Variants in CACNA1C observed in about 807,000 individuals in gnomAD.
The protein encoded by CACNA1C is calcium voltage-gated channel subunit alpha1 C.
CACNA1C carries 30 observed loss-of-function variants against 229.0 expected under a neutral mutation model. The ratio of observed to expected loss-of-function variants is 0.13; its 90% CI spans 0.10 to 0.18. CACNA1C has a LOEUF of 0.18. Ranked by LOEUF, CACNA1C falls within the 10% of genes least tolerant of loss-of-function variation. CACNA1C has a pLI of 1.00. For synonymous variants in CACNA1C, 1,114 were observed against 1,132.5 expected (o/e 0.98, Z 0.33); for missense variants, 1,658 against 2,845.0 (o/e 0.58, Z 9.49).
rs2093973920 is a variant in CACNA1C at position 2,643,450 on chromosome 12, C to T, written c.3913-5025C>T. 3.3e-5 allele frequency among the ~76,000 whole-genome samples: 5 copies of T among 152,214 alleles called. No homozygotes were observed. In the South Asian group the frequency reaches 1.0e-3, roughly 32 times the overall value. On this transcript the variant is annotated intron_variant, in intron 30 of 46. Coordinates refer to ENST00000399655, the MANE Select transcript of CACNA1C (RefSeq NM_000719.7). ...CAACTACGCATACCTCATTCATTTGCTCTTCTGTCTGAAAGCCATGGCCTC... is the reference window on the plus strand; with the variant it reads ...CAACTACGCATACCTCATTCATTTGTTCTTCTGTCTGAAAGCCATGGCCTC...
chr12:2,270,205 G>A (rs2084257735), intron 3 of CACNA1C, among the ~76,000 whole-genome samples: 1 of 152,210 alleles, frequency 6.6e-6, no homozygotes, highest in South Asian at 2.1e-4. Context: ...TCCTGAGAAG[G>A]CGAGCTTCGA....
chr12:2,280,226 TTTAACCTCTTGAGACCTTGCTGTGCTTC>T (rs2090655547), intron 3 of CACNA1C, among the ~76,000 whole-genome samples: 4 of 118,780 alleles, frequency 3.4e-5, no homozygotes, highest in Admixed American at 7.8e-5. Flanking sequence ...TGTGCTTCGG[TTTAACCTCTTGAGACCTTGCTGTGCTTC>T]GGTTTAACCT....
chr12:2,481,353 C>T (rs1428533199), intron 5 of CACNA1C, among the ~76,000 whole-genome samples: 5 of 152,176 alleles, frequency 3.3e-5, no homozygotes, highest in South Asian at 4.2e-4. Flanking sequence ...CTGCAATGGA[C>T]GGCTTCTCTT....
chr12:2,157,860 T>G (rs972101366), intron 3 of CACNA1C, among the ~76,000 whole-genome samples: 1 of 152,212 alleles, frequency 6.6e-6, no homozygotes, highest in African/African-American at 2.4e-5. Flanking sequence ...ATTTTCTGTC[T>G]TTAGAGGGAT....
At chr12:2,392,633 G>C (rs1337505903) in intron 3 of CACNA1C, among the ~76,000 whole-genome samples, 1 of 152,154 alleles carries the variant, frequency 6.6e-6, no homozygotes. Context: ...GGGGTGATTT[G>C]GTGTCTCCAA....
chr12:2,585,236 C>T lies in CACNA1C; in HGVS notation c.2340-140C>T. ...TGACTGAGCTGCACACGAGAAGCGT[C>T]CTGGAGAAAGGAAGATGGACTCAGA... On this transcript the variant is annotated intron_variant, in intron 16 of 46. Coordinates refer to ENST00000399655, the MANE Select transcript of CACNA1C (RefSeq NM_000719.7). The surrounding 1 kb of genome is among the most constrained non-coding windows in gnomAD (Gnocchi z 4.1). 2 of 748,198 alleles carry T rather than the reference C, an allele frequency of 2.7e-6. No individual in the cohort carries two copies. The highest frequency in any genetic ancestry group is 4.1e-6 in the Non-Finnish European group (2 of 489,574). 46.3% of individuals were successfully genotyped at this position (748,198 alleles called of 1,614,324 possible).
chr12:2,364,672 A>T (rs2097676087), intron 3 of CACNA1C, among the ~76,000 whole-genome samples: 1 of 152,194 alleles, frequency 6.6e-6, no homozygotes, highest in Non-Finnish European at 1.5e-5. Flanking sequence ...AGGGATGGCC[A>T]CGCTGGGCTC....
intron 3 of CACNA1C, among the ~76,000 whole-genome samples, chr12:2,362,860 T>G (rs2097595616): frequency 6.6e-6 from 1 of 152,192 alleles, no homozygotes; most frequent in Non-Finnish European, 1.5e-5. Context: ...TCAGGACAGC[T>G]GTGCCAGGCA....
At chr12:2,552,962 G>A (rs1325139278) in intron 10 of CACNA1C, among the ~76,000 whole-genome samples, 4 of 151,962 alleles carry the variant, frequency 2.6e-5, no homozygotes, top group African/African-American at 4.8e-5. Context: ...GAAACAAGCT[G>A]TAGGGGAAGC....
chr12:2,343,789 C>T (rs914996493), intron 3 of CACNA1C, among the ~76,000 whole-genome samples: 12 of 152,068 alleles, frequency 7.9e-5, no homozygotes, highest in Non-Finnish European at 2.9e-5. Flanking sequence ...ATGATGTGGC[C>T]GCTAGCTGCA....
intron 3 of CACNA1C, among the ~76,000 whole-genome samples, chr12:2,141,693 C>G (rs143815528): frequency 6.6e-6 from 1 of 151,470 alleles, no homozygotes; most frequent in East Asian, 1.9e-4. Flanking sequence ...TGCAGCAGGC[C>G]ACTCCTTAGC....
At chr12:2,400,267 C>T (rs1246788735) in intron 3 of CACNA1C, among the ~76,000 whole-genome samples, 1 of 152,184 alleles carries the variant, frequency 6.6e-6, no homozygotes, top group Non-Finnish European at 1.5e-5. Flanking sequence ...GTCATTCCTT[C>T]GTGCCCTATT....
At chr12:2,242,840 C>A (rs2154375938) in intron 3 of CACNA1C, among the ~76,000 whole-genome samples, 1 of 152,314 alleles carries the variant, frequency 6.6e-6, no homozygotes, top group South Asian at 2.1e-4. Context: ...TTTCAAAGTG[C>A]TTTCATATGC....
chr12:2,651,592 C>T lies in CACNA1C; in HGVS notation c.3946-48C>T, dbSNP rs1569059161. On this transcript the variant is annotated intron_variant, in intron 31 of 46. Transcript: ENST00000399655. The surrounding 1 kb of genome is among the most constrained non-coding windows in gnomAD (Gnocchi z 5.4). ...CTCGGAGGGGCCCTCCTGTTCTCAC[C>T]CCCCTCTTGCTGTGCTAACTGCACC... The T allele has an allele frequency of 6.2e-7, 1 of 1,613,730 alleles. No homozygotes were observed. Among genetic ancestry groups the T allele is most frequent in the Non-Finnish European group, 8.5e-7 (1 of 1,179,742 alleles).
Position 2,585,082 on chromosome 12 carries a change from T to C in CACNA1C, c.2340-294T>C, listed in dbSNP as rs2061926907. Among the ~76,000 whole-genome samples, 3 of 152,114 alleles carry C rather than the reference T, an allele frequency of 2.0e-5. No homozygotes were observed. Among genetic ancestry groups the C allele is most frequent in the Non-Finnish European group, 4.4e-5 (3 of 68,014 alleles). ...ACAGCTGCCGGGCACTGAGCAGAGC[T>C]CCTCCAGGAGCCAATCCTAGATGAG... On this transcript the variant is annotated intron_variant, in intron 16 of 46. Coordinates refer to ENST00000399655, the MANE Select transcript of CACNA1C (RefSeq NM_000719.7). This position sits in a 1 kb window ranked among gnomAD's most constrained non-coding sequence, Gnocchi z 4.1.
rs546189137 is a variant in CACNA1C, at chr12:2,503,547, C to T, written c.1114-1295C>T. ...TTTAAGCATCTCTTCTTAGGGTCAG[C>T]GGGTACAGGGGGCTGATTTATTGCT... On this transcript the variant is annotated intron_variant, in intron 7 of 46. Transcript: ENST00000399655. Among the ~76,000 whole-genome samples the T allele has an allele frequency of 3.9e-5, 6 of 152,232 alleles. No homozygotes were observed. In the East Asian group the frequency reaches 5.8e-4, roughly 15 times the overall value.
intron 3 of CACNA1C, among the ~76,000 whole-genome samples, chr12:2,187,009 T>C (rs1169777998): frequency 4.6e-5 from 7 of 152,158 alleles, no homozygotes; most frequent in Non-Finnish European, 1.0e-4. Context: ...CCTGTCCTGC[T>C]GCCCCCTTGC....
At chr12:2,466,158 G>A (rs1439518565) in intron 5 of CACNA1C, among the ~76,000 whole-genome samples, 3 of 152,116 alleles carry the variant, frequency 2.0e-5, no homozygotes, top group African/African-American at 4.8e-5. Flanking sequence ...CAGACCCACT[G>A]AGGGCACATT....
chr12:2,200,723 G>A (rs2097557892), intron 3 of CACNA1C, among the ~76,000 whole-genome samples: 2 of 152,340 alleles, frequency 1.3e-5, no homozygotes, highest in South Asian at 2.1e-4. Flanking sequence ...GATGGTAGCT[G>A]TGGGAGTTAC....
Sources: allele counts gnomAD v4.1 joint callset (sites outside exome capture counted in the v4.1 genomes callset), GRCh38; gene constraint gnomAD v4.1.1; non-coding constraint Gnocchi (gnomAD v3.1); transcripts MANE v1.5; gene names NCBI Gene and HGNC (gene_info 2026-07-23, HGNC 2026-07-21).